The following SRGAP2 variants were observed in gnomAD, a reference collection of about 807,000 sequenced individuals.
SRGAP2 encodes SLIT-ROBO Rho GTPase activating protein 2, also known as SLIT-ROBO Rho GTPase-activating protein 2.
SRGAP2 carries 15 observed loss-of-function variants against 57.2 expected under a neutral mutation model. The observed-to-expected ratio is 0.26, with a 90% CI of 0.18 to 0.40. The LOEUF (loss-of-function observed/expected upper bound fraction) is 0.40, where lower values mean the gene tolerates loss of function less well. Ranked by LOEUF, SRGAP2 falls within the 10% of genes least tolerant of loss-of-function variation. SRGAP2 has a pLI of 1.00. For synonymous variants in SRGAP2, 249 were observed against 248.0 expected (o/e 1.00, Z -0.04); for missense variants, 520 against 669.6 (o/e 0.78, Z 2.47).
rs575066099 is a variant in SRGAP2, at chr1:206,410,882, C to A, written c.1356+4308C>A. ...AGTATTTCCTTTGTTTTTTGGAAAC[C>A]AAGCCTCGGCTCTTGTTGCCCAGGC... On this transcript the variant is annotated intron_variant, in intron 10 of 22. Coordinates refer to ENST00000573034, the MANE Select transcript of SRGAP2 (RefSeq NM_015326.5). Among the ~76,000 whole-genome samples the A allele has an allele frequency of 5.7e-4, 86 of 152,122 alleles. 1 individual carries two copies. Among genetic ancestry groups the A allele is most frequent in the Non-Finnish European group, 9.9e-4 (67 of 67,964 alleles).
At chr1:206,303,841 G>A (rs1196146735) in intron 3 of SRGAP2, among the ~76,000 whole-genome samples, 3 of 151,624 alleles carry the variant, frequency 2.0e-5, no homozygotes, top group Admixed American at 6.6e-5. Context: ...AGGTTAAGGG[G>A]CTTAACTCAG....
At chr1:206,227,086 T>G (rs1174625025) in intron 2 of SRGAP2, among the ~76,000 whole-genome samples, 12 of 151,916 alleles carry the variant, frequency 7.9e-5, no homozygotes, top group African/African-American at 2.9e-4. Context: ...CTGTTCATGC[T>G]TGAAGTATGA....
chr1:206,245,607 GA>G (rs1668497128), intron 2 of SRGAP2, among the ~76,000 whole-genome samples: 2 of 148,254 alleles, frequency 1.3e-5, no homozygotes, highest in South Asian at 4.5e-4. Flanking sequence ...GCTGGTCAGG[GA>G]AGTAACTTTG....
At chr1:206,373,112 T>C (rs1159519632) in intron 4 of SRGAP2, among the ~76,000 whole-genome samples, 2 of 128,760 alleles carry the variant, frequency 1.6e-5, no homozygotes, top group Admixed American at 7.6e-5. Context: ...TTTTTTTTTT[T>C]TTTTTCTGAG....
At chr1:206,283,863 G>A (rs1161063751) in intron 2 of SRGAP2, among the ~76,000 whole-genome samples, 9 of 137,484 alleles carry the variant, frequency 6.5e-5, no homozygotes, top group African/African-American at 1.1e-4. Flanking sequence ...ATTTAATAGC[G>A]TCCATTTTAT....
rs571978955 is a variant in SRGAP2, at chr1:206,263,494, T to G, written c.68-39787T>G. On this transcript the variant is annotated intron_variant, in intron 2 of 22. Coordinates refer to ENST00000573034, the MANE Select transcript of SRGAP2 (RefSeq NM_015326.5). ...TGAGCAGGTGGAACCTCTGTCAATC[T>G]GAGCTCTTGAACTACAATGATGGAC... Among the ~76,000 whole-genome samples the G allele has an allele frequency of 1.5e-4, 23 of 152,252 alleles. No individual in the cohort carries two copies. The East Asian group carries it at 4.3e-3, about 28-fold the overall frequency.
At chr1:206,260,819 G>A (rs1271553598) in intron 2 of SRGAP2, among the ~76,000 whole-genome samples, 8 of 152,192 alleles carry the variant, frequency 5.3e-5, no homozygotes, top group Admixed American at 2.6e-4. Context: ...TTAAAGGGTC[G>A]CACAGCAGTG....
chr1:206,290,495 G>A (rs2102714697), intron 2 of SRGAP2, among the ~76,000 whole-genome samples: 1 of 151,584 alleles, frequency 6.6e-6, no homozygotes, highest in South Asian at 2.1e-4. Flanking sequence ...CAAAAAAATT[G>A]GCCCGGCGTG....
At chr1:206,411,514 GT>G (rs1230600143) in intron 10 of SRGAP2, among the ~76,000 whole-genome samples, 1 of 152,188 alleles carries the variant, frequency 6.6e-6, no homozygotes, top group Non-Finnish European at 1.5e-5. Flanking sequence ...TCTGACAGCT[GT>G]TTCCTATTTT....
At chr1:206,253,742 C>T (rs1364830306) in intron 2 of SRGAP2, among the ~76,000 whole-genome samples, 18 of 150,842 alleles carry the variant, frequency 1.2e-4, no homozygotes, top group Middle Eastern at 3.4e-3. Flanking sequence ...CCACCAGGCC[C>T]GGCTAATTTT....
In SRGAP2 at chr1:206,290,242, T is replaced by C. The variant is rs1671237180; in HGVS notation, c.68-13039T>C. 3.3e-5 allele frequency among the ~76,000 whole-genome samples: 5 copies of C among 152,376 alleles called. No homozygotes were observed. The South Asian group carries it at 1.0e-3, about 32-fold the overall frequency. ...ATGTGTGTGTGCATGTGTGTTGGAT[T>C]GCCAAAGTTTGAAGCCACTAGTTTT... On this transcript the variant is annotated intron_variant, in intron 2 of 22. Transcript: ENST00000573034.
intron 2 of SRGAP2, among the ~76,000 whole-genome samples, chr1:206,295,620 G>A (rs1463020005): frequency 3.4e-4 from 52 of 150,742 alleles, no homozygotes; most frequent in African/African-American, 1.2e-3. Context: ...CACTTTCATT[G>A]TAGTATTTAT....
At chr1:206,249,719 A>G (rs1558251354) in intron 2 of SRGAP2, among the ~76,000 whole-genome samples, 1 of 151,974 alleles carries the variant, frequency 6.6e-6, no homozygotes. Context: ...TTCTGCACAT[A>G]TATCCCAGAA....
intron 13 of SRGAP2, among the ~76,000 whole-genome samples, chr1:206,425,185 A>G (rs1311692415): frequency 6.6e-6 from 1 of 152,122 alleles, no homozygotes; most frequent in African/African-American, 2.4e-5. Context: ...CAACAAAACT[A>G]TGCAAACGCT....
chr1:206,210,717 C>T (rs2102442785), intron 2 of SRGAP2, among the ~76,000 whole-genome samples: 1 of 148,756 alleles, frequency 6.7e-6, no homozygotes, highest in South Asian at 2.1e-4. Context: ...CTTCTTTCCT[C>T]ACAGCTCCCA....
intron 10 of SRGAP2, among the ~76,000 whole-genome samples, chr1:206,412,876 C>G (rs1473491717): frequency 1.3e-5 from 2 of 152,148 alleles, no homozygotes; most frequent in African/African-American, 2.4e-5. Flanking sequence ...CTCTGAGATG[C>G]CTTTACCTTT....
chr1:206,254,312 C>T (rs1230311407), intron 2 of SRGAP2, among the ~76,000 whole-genome samples: 1 of 145,978 alleles, frequency 6.9e-6, no homozygotes, highest in Non-Finnish European at 1.5e-5. Context: ...CTACTTCAAT[C>T]TCCCTAAACA....
At chr1:206,446,386 A>T (rs181893879) in intron 18 of SRGAP2, 87 bp downstream of exon 18, 1 of 742,940 alleles carries the variant, frequency 1.3e-6, no homozygotes, top group Non-Finnish European at 2.5e-6. Flanking sequence ...AACCAAAGGG[A>T]AACACCCAGA....
chr1:206,425,523 T>G (rs1660714060), intron 13 of SRGAP2, among the ~76,000 whole-genome samples: 1 of 151,856 alleles, frequency 6.6e-6, no homozygotes, highest in South Asian at 2.1e-4. Flanking sequence ...TAACCTCACT[T>G]TTTTTTTGTT....
Sources: allele counts gnomAD v4.1 joint callset (sites outside exome capture counted in the v4.1 genomes callset), GRCh38; gene constraint gnomAD v4.1.1; transcripts MANE v1.5; gene names NCBI Gene and HGNC (gene_info 2026-07-23, HGNC 2026-07-21).